QTMAN: variants seen among roughly 807,000 people sequenced by gnomAD.
QTMAN encodes the protein queuosine-tRNA mannosyltransferase, also known as tRNA-queuosine alpha-mannosyltransferase.
At chr2:144,071,326 C>T in the QTMAN span, among the ~76,000 whole-genome samples, 2 of 151,134 alleles carry the variant, frequency 1.3e-5, no homozygotes, top group Admixed American at 6.6e-5. Flanking sequence ...CTCAACAATA[C>T]GCTAATTTTT....
At chr2:144,151,867 A>T in the QTMAN span, among the ~76,000 whole-genome samples, 1 of 152,230 alleles carries the variant, frequency 6.6e-6, no homozygotes, top group African/African-American at 2.4e-5. Context: ...TCAGCTACTT[A>T]ATCTTAATTG....
the QTMAN span, among the ~76,000 whole-genome samples, chr2:144,328,584 T>C: frequency 2.0e-5 from 3 of 152,186 alleles, no homozygotes; most frequent in East Asian, 5.8e-4. Context: ...CTTCCCGTTG[T>C]AGGTGACAGA....
the QTMAN span, chr2:143,938,584 A>G: frequency 6.6e-6 from 1 of 152,166 alleles, no homozygotes; most frequent in South Asian, 2.1e-4. Context: ...CGAAGGTGAC[A>G]AGGCTTCTTT....
the QTMAN span, among the ~76,000 whole-genome samples, chr2:144,307,990 T>C: frequency 5.9e-5 from 9 of 152,098 alleles, no homozygotes; most frequent in African/African-American, 1.4e-4. Flanking sequence ...CTAATTGATA[T>C]GGAAATAGAA....
the QTMAN span, among the ~76,000 whole-genome samples, chr2:144,073,791 T>G: frequency 6.6e-6 from 1 of 152,182 alleles, no homozygotes; most frequent in Non-Finnish European, 1.5e-5. Context: ...CTCCCAACCT[T>G]GATGGGGAGA....
chr2:144,303,023 A>C, the QTMAN span, among the ~76,000 whole-genome samples: 1 of 152,058 alleles, frequency 6.6e-6, no homozygotes, highest in Non-Finnish European at 1.5e-5. Flanking sequence ...AATTGCTTGA[A>C]CCCGGAAGGC....
the QTMAN span, chr2:144,208,765 A>C: frequency 6.2e-7 from 1 of 1,613,026 alleles, no homozygotes; most frequent in Non-Finnish European, 8.5e-7. Context: ...GAATGCTTCA[A>C]TGATGAGGAT....
At chr2:144,107,369 TAAAG>T in the QTMAN span, among the ~76,000 whole-genome samples, 13 of 151,724 alleles carry the variant, frequency 8.6e-5, no homozygotes, top group African/African-American at 2.4e-4. Flanking sequence ...GCAAGACTAA[TAAAG>T]AAGAAGAGAG....
At chr2:143,996,841 C>T in the QTMAN span, among the ~76,000 whole-genome samples, 3 of 151,920 alleles carry the variant, frequency 2.0e-5, no homozygotes, top group African/African-American at 7.3e-5. Context: ...TTGCACATTT[C>T]TTTTGGTGGG....
the QTMAN span, among the ~76,000 whole-genome samples, chr2:144,112,681 T>C: frequency 1.3e-5 from 2 of 152,240 alleles, no homozygotes; most frequent in African/African-American, 2.4e-5. Flanking sequence ...TTTGCCGTGC[T>C]GTATCAAGGT....
chr2:144,199,572 A>G, the QTMAN span, among the ~76,000 whole-genome samples: 1 of 152,192 alleles, frequency 6.6e-6, no homozygotes, highest in African/African-American at 2.4e-5. Context: ...AAGAAGTCAT[A>G]TTAGAGTGAC....
chr2:144,039,288 T>TCC, the QTMAN span, among the ~76,000 whole-genome samples: 3 of 152,036 alleles, frequency 2.0e-5, no homozygotes, highest in African/African-American at 4.8e-5. Context: ...CGTCTCCCCC[T>TCC]CCCCCCTGCT....
the QTMAN span, among the ~76,000 whole-genome samples, chr2:143,991,433 G>C: frequency 1.4e-5 from 2 of 146,688 alleles, no homozygotes; most frequent in Admixed American, 6.7e-5. Context: ...GGAGGGAGGT[G>C]GGGGGGTCAG....
chr2:144,274,453 G>A, the QTMAN span, among the ~76,000 whole-genome samples: 2 of 152,192 alleles, frequency 1.3e-5, no homozygotes, highest in African/African-American at 4.8e-5. Flanking sequence ...TAGTGGGCTG[G>A]AACTTTCAGC....
chr2:144,118,201 G>A, the QTMAN span, among the ~76,000 whole-genome samples: 1 of 152,090 alleles, frequency 6.6e-6, no homozygotes, highest in African/African-American at 2.4e-5. Flanking sequence ...CATATGACTT[G>A]AAATGTGTTA....
the QTMAN span, chr2:143,943,065 T>C: frequency 6.6e-6 from 1 of 152,220 alleles, no homozygotes. Context: ...CCTACTTCTA[T>C]GTCCTTTTTT....
chr2:144,164,807 TGA>T, the QTMAN span, among the ~76,000 whole-genome samples: 2 of 152,192 alleles, frequency 1.3e-5, no homozygotes, highest in African/African-American at 4.8e-5. Context: ...GTGCTTGAGC[TGA>T]GAGAAGAAAA....
the QTMAN span, among the ~76,000 whole-genome samples, chr2:144,100,959 TC>T: frequency 1.5e-5 from 2 of 132,442 alleles, no homozygotes; most frequent in Admixed American, 1.8e-4. Context: ...AAGCTCCGCC[TC>T]CCGGGTTGAT....
the QTMAN span, among the ~76,000 whole-genome samples, chr2:144,260,156 G>A: frequency 6.6e-6 from 1 of 151,684 alleles, no homozygotes; most frequent in Non-Finnish European, 1.5e-5. Flanking sequence ...AACACTTAAT[G>A]CGAATTCCTT....
Sources: gnomAD v4.1 joint callset for allele counts (sites outside exome capture counted in the v4.1 genomes callset) on GRCh38, gnomAD v4.1.1 for gene constraint, MANE v1.5 for transcripts, NCBI Gene and HGNC (gene_info 2026-07-23, HGNC 2026-07-21) for gene names.